The following ZDHHC11 variants were observed in gnomAD, a reference collection of about 807,000 sequenced individuals.
The protein encoded by ZDHHC11 is zDHHC palmitoyltransferase 11, also known as palmitoyltransferase ZDHHC11.
ZDHHC11 carries 44 observed loss-of-function variants against 51.3 expected under a neutral mutation model. The observed-to-expected ratio is 0.86, with a 90% confidence interval of 0.67 to 1.10. ZDHHC11 has a LOEUF of 1.10. Ranked by LOEUF, ZDHHC11 falls within the 50% of genes least tolerant of loss-of-function variation. The probability of loss-of-function intolerance (pLI) is 0.00; values close to 1 mark genes in which losing one functional copy is unlikely to be tolerated. For synonymous variants in ZDHHC11, 163 were observed against 222.0 expected, an observed-to-expected ratio of 0.73 and a Z score of 2.36; for missense variants, 400 against 537.7, an observed-to-expected ratio of 0.74 and a Z score of 2.53.
chr5:857,709 C>A (rs573849500), intron 1 of ZDHHC11, among the ~76,000 whole-genome samples: 1 of 149,398 alleles, frequency 6.7e-6, no homozygotes, highest in Admixed American at 6.7e-5. Context: ...CTTTATGACA[C>A]CATGGTCCCC....
intron 10 of ZDHHC11, 57 bp downstream of exon 10, chr5:819,467 AC>A: frequency 6.4e-7 from 1 of 1,567,550 alleles, no homozygotes; most frequent in South Asian, 1.1e-5. Context: ...GGGACCTCAG[AC>A]CACACATTCT....
At chr5:819,693 C>T in intron 9 of ZDHHC11, 81 bp from the exon 10 acceptor site, 1 of 1,433,160 alleles carries the variant, frequency 7.0e-7, no homozygotes, top group East Asian at 2.3e-5. Flanking sequence ...ACAGTGTGTC[C>T]TGTAAGCACC....
chr5:843,936 GCGGGGGCA>G (rs1468619350), intron 3 of ZDHHC11, among the ~76,000 whole-genome samples: 215 of 112,372 alleles, frequency 1.9e-3, no homozygotes, highest in South Asian at 0.01. Context: ...TGAGGCAGGG[GCGGGGGCA>G]TGCAGGGCAG....
Position 856,962 on chromosome 5 carries a change from C to T in ZDHHC11, c.-1+1912G>A, listed in dbSNP as rs1579857586. 2.0e-5 allele frequency among the ~76,000 whole-genome samples: 3 copies of T among 150,442 alleles called. No homozygotes were observed. In the South Asian group the frequency reaches 6.3e-4, roughly 32 times the overall value. ...GAGCACACCCATTTGCACTACACACCGCATACCACACACAGCACACAAACC... is the reference window on the plus strand; with the variant it reads ...GAGCACACCCATTTGCACTACACACTGCATACCACACACAGCACACAAACC... On this transcript the variant is annotated intron_variant, in intron 1 of 3. Transcript: ENST00000685990.
chr5:832,399 A>G (rs1156614280), intron 7 of ZDHHC11, among the ~76,000 whole-genome samples: 2 of 52,220 alleles, frequency 3.8e-5, no homozygotes, highest in Non-Finnish European at 5.9e-5. Context: ...AGAAATCAAC[A>G]CTAAAAATCT....
At chr5:818,490 G>A (rs143317094) in intron 10 of ZDHHC11, among the ~76,000 whole-genome samples, 18 of 151,750 alleles carry the variant, frequency 1.2e-4, no homozygotes, top group African/African-American at 4.3e-4. Context: ...GTGGTGAGGC[G>A]GCCCTGCCCC....
intron 1 of ZDHHC11, chr5:849,862 CG>C (rs1746872075): frequency 6.3e-6 from 1 of 159,028 alleles, no homozygotes; most frequent in Non-Finnish European, 1.4e-5. Flanking sequence ...GGGTGGAGTG[CG>C]GGGCCCTCCA....
chr5:830,839 C>A lies in ZDHHC11; in HGVS notation c.935+2934G>T, dbSNP rs557553189. Among the ~76,000 whole-genome samples the A allele has an allele frequency of 8.5e-3, 1,255 of 147,886 alleles. 1 individual carries two copies. The highest frequency in any genetic ancestry group is 0.031 in the African/African-American group (1,189 of 38,258). The stretch of plus-strand genomic sequence containing the variant: ...CATAAATAAAGGCAAATACTTACTG[C>A]CAATCGATCTTCAACAAACAAAAGA... On this transcript the variant is annotated intron_variant, in intron 7 of 12. Coordinates refer to ENST00000283441, the MANE Select transcript of ZDHHC11 (RefSeq NM_024786.3).
chr5:799,762 C>T (rs528137187), intron 12 of ZDHHC11, among the ~76,000 whole-genome samples: 33 of 151,826 alleles, frequency 2.2e-4, no homozygotes, highest in African/African-American at 7.7e-4. Context: ...CTCCATACCA[C>T]TGAGACAATT....
intron 11 of ZDHHC11, among the ~76,000 whole-genome samples, chr5:804,392 C>T (rs1481665910): frequency 2.0e-5 from 3 of 151,124 alleles, no homozygotes; most frequent in African/African-American, 2.4e-5. Flanking sequence ...AGTCTTGGAA[C>T]GTATCCCCCA....
intron 1 of ZDHHC11, chr5:849,564 G>A (rs994165573): frequency 6.6e-6 from 1 of 152,266 alleles, no homozygotes; most frequent in African/African-American, 2.4e-5. Context: ...CCCGAGAATA[G>A]CTCAGGGAAA....
chr5:805,437 A>T (rs7736844), intron 11 of ZDHHC11, among the ~76,000 whole-genome samples: 31,217 of 150,330 alleles, frequency 0.21, 4,815 homozygotes, highest in African/African-American at 0.42. Context: ...TCTCAAAAAA[A>T]AATCTACATT....
At chr5:803,691 C>G (rs6879258) in intron 11 of ZDHHC11, among the ~76,000 whole-genome samples, 30,605 of 150,216 alleles carry the variant, frequency 0.2, 4,626 homozygotes, top group African/African-American at 0.41. Flanking sequence ...ACTAGTCAAA[C>G]ACATTAAATC....
chr5:854,382 A>G (rs1404674470), upstream of ZDHHC11, among the ~76,000 whole-genome samples: 18 of 114,452 alleles, frequency 1.6e-4, no homozygotes, highest in South Asian at 3.3e-4. Flanking sequence ...AGAGCCAGGG[A>G]GACAGACCCC....
At chr5:802,634 G>A (rs1308832557) in intron 11 of ZDHHC11, among the ~76,000 whole-genome samples, 8 of 150,028 alleles carry the variant, frequency 5.3e-5, no homozygotes, top group African/African-American at 2.0e-4. Context: ...GAATTATTTG[G>A]AAACTCTGCA....
At chr5:842,191 G>C in intron 4 of ZDHHC11, 5 of 985,952 alleles carry the variant, frequency 5.1e-6, no homozygotes, top group Non-Finnish European at 6.0e-6. Context: ...CAGGAGAGAA[G>C]GCAGCACATG....
At chr5:812,282 C>G (rs867816416) in intron 11 of ZDHHC11, among the ~76,000 whole-genome samples, 1 of 151,632 alleles carries the variant, frequency 6.6e-6, no homozygotes, top group Non-Finnish European at 1.5e-5. Context: ...GCAAAAGACA[C>G]GATAAACACA....
intron 10 of ZDHHC11, among the ~76,000 whole-genome samples, chr5:815,107 C>T (rs1346095019): frequency 2.0e-5 from 3 of 151,250 alleles, no homozygotes; most frequent in Non-Finnish European, 4.4e-5. Flanking sequence ...TAGAGTGAGC[C>T]CTAATCCAGA....
intron 4 of ZDHHC11, chr5:842,165 T>C: frequency 2.0e-6 from 2 of 986,010 alleles, no homozygotes; most frequent in Non-Finnish European, 2.4e-6. Context: ...CACTGCCCTG[T>C]GGAAGCAGCA....
Sources: gnomAD v4.1 joint callset for allele counts (sites outside exome capture counted in the v4.1 genomes callset) on GRCh38, gnomAD v4.1.1 for gene constraint, MANE v1.5 for transcripts, NCBI Gene and HGNC (gene_info 2026-07-23, HGNC 2026-07-21) for gene names.